EVI5: variants seen among roughly 807,000 people sequenced by gnomAD.
EVI5 encodes ecotropic viral integration site 5 protein homolog.
EVI5 carries 73 observed loss-of-function variants against 112.0 expected under a neutral mutation model. The observed-to-expected ratio is 0.65, with a 90% CI of 0.54 to 0.79. The LOEUF (loss-of-function observed/expected upper bound fraction) is 0.79. Among genes scored for constraint, EVI5 ranks in the 30% least tolerant of loss-of-function variants. The pLI, the probability that EVI5 is intolerant of heterozygous loss-of-function variation, is 0.00. For missense variants in EVI5, 900 were observed against 968.8 expected, an observed-to-expected ratio of 0.93 and a Z score of 0.94; for synonymous variants, 305 against 319.9, an observed-to-expected ratio of 0.95 and a Z score of 0.50.
chr1:92,579,186 G>T (rs1671556800), intron 18 of EVI5, among the ~76,000 whole-genome samples: 1 of 152,178 alleles, frequency 6.6e-6, no homozygotes, highest in South Asian at 2.1e-4. Flanking sequence ...AGTTTCTCGT[G>T]TATCTTCTGT....
chr1:92,545,886 C>T (rs959242190), intron 19 of EVI5, among the ~76,000 whole-genome samples: 28 of 151,840 alleles, frequency 1.8e-4, no homozygotes, highest in African/African-American at 5.8e-4. Context: ...TCTGCATATA[C>T]GCCTCTCTGC....
At chr1:92,651,794 T>C (rs1330393246) in intron 13 of EVI5, among the ~76,000 whole-genome samples, 54 of 134,328 alleles carry the variant, frequency 4.0e-4, no homozygotes, top group East Asian at 8.3e-4. Context: ...GAGCTTGCAG[T>C]GAGCCGAGAT....
chr1:92,540,554 T>A (rs959872413), intron 19 of EVI5, among the ~76,000 whole-genome samples: 16 of 152,166 alleles, frequency 1.1e-4, no homozygotes, highest in Non-Finnish European at 2.9e-5. Flanking sequence ...ATTGTAAGAG[T>A]TCTTTATATA....
rs545529073 is a variant in EVI5 at position 92,770,799 on chromosome 1, A to C, written c.-82+14037T>G. ...AGCGGGACTCCATCTCAAAAAAAAG[A>C]AAAAGAAACCTCCAAAAGTCTGGGT... is the stretch of plus-strand genomic sequence containing the variant. On this transcript the variant is annotated intron_variant, in intron 1 of 19. Transcript: ENST00000684568. Among the ~76,000 whole-genome samples, 4 of 151,990 alleles carry C rather than the reference A, an allele frequency of 2.6e-5. No homozygotes were observed. The South Asian group carries it at 8.3e-4, about 32-fold the overall frequency.
chr1:92,748,397 G>C (rs1363918804), intron 1 of EVI5, among the ~76,000 whole-genome samples: 1 of 152,176 alleles, frequency 6.6e-6, no homozygotes, highest in Non-Finnish European at 1.5e-5. Context: ...GTCAGCCCCA[G>C]ACTCTAAGTC....
intron 13 of EVI5, among the ~76,000 whole-genome samples, chr1:92,642,131 A>C (rs10782939): frequency 0.91 from 136,925 of 150,202 alleles, 62,412 homozygotes; most frequent in East Asian, 0.97. Context: ...ACTCCATCCC[A>C]AAAAAAAAAA....
intron 14 of EVI5, 35 bp downstream of exon 14, chr1:92,636,167 A>T: frequency 6.4e-7 from 1 of 1,574,084 alleles, no homozygotes; most frequent in Non-Finnish European, 8.7e-7. Context: ...ATCCCCTCTA[A>T]TTTGGGAATG....
chr1:92,778,030 T>A (rs1054775465), intron 1 of EVI5, among the ~76,000 whole-genome samples: 10 of 151,682 alleles, frequency 6.6e-5, no homozygotes, highest in African/African-American at 2.4e-4. Context: ...TGCCTCAGCC[T>A]CCTGAGTAGC....
chr1:92,633,776 C>T (rs11956588), intron 14 of EVI5, among the ~76,000 whole-genome samples: 3 of 152,282 alleles, frequency 2.0e-5, no homozygotes, highest in East Asian at 1.9e-4. Context: ...TTCCTAGCCT[C>T]TATGGTCTTT....
Position 92,727,811 on chromosome 1 carries a change from T to C in EVI5, c.149+8587A>G, listed in dbSNP as rs183039388. Among the ~76,000 whole-genome samples the C allele has an allele frequency of 5.3e-5, 8 of 150,606 alleles. No homozygotes were observed. The East Asian group carries it at 1.6e-3, about 29-fold the overall frequency. ...TGAGAGGATTGCTTGAATCCGGGAG[T>C]TCAAGAACAGCCTGGGCAACATAGT... On this transcript the variant is annotated intron_variant, in intron 2 of 19. Transcript: ENST00000684568.
intron 13 of EVI5, among the ~76,000 whole-genome samples, chr1:92,661,631 C>T (rs1156952978): frequency 1.3e-5 from 2 of 151,332 alleles, no homozygotes; most frequent in East Asian, 3.9e-4. Context: ...AATATGAGTT[C>T]CCTTCTTTTT....
chr1:92,768,024 G>A (rs1040627995), intron 1 of EVI5, among the ~76,000 whole-genome samples: 1 of 150,244 alleles, frequency 6.7e-6, no homozygotes, highest in Admixed American at 6.7e-5. Flanking sequence ...AGGTTGCAGT[G>A]AGCCAAGATC....
intron 18 of EVI5, among the ~76,000 whole-genome samples, chr1:92,566,323 A>G (rs141253828): frequency 4.0e-4 from 61 of 152,304 alleles, no homozygotes; most frequent in African/African-American, 1.4e-3. Flanking sequence ...GTTTTGGTCA[A>G]TGACGGAATG....
chr1:92,650,877 G>C (rs370788936), intron 13 of EVI5, among the ~76,000 whole-genome samples: 5 of 152,080 alleles, frequency 3.3e-5, no homozygotes, highest in African/African-American at 1.2e-4. Context: ...TCTACTAAGT[G>C]TATGCTCTAT....
chr1:92,514,124 TTA>T (rs34299992), intron 19 of EVI5, among the ~76,000 whole-genome samples, 154 bp from the exon 20 acceptor site: 129,573 of 152,012 alleles, frequency 0.85, 55,608 homozygotes, highest in East Asian at 0.97. Context: ...CTTCTATGTG[TTA>T]TATATAATGG....
At position 92,565,948 on chromosome 1, in the gene EVI5, C is replaced by CAAAAAAAAAAAA. The variant is rs71586755; in HGVS notation, c.2071-2223_2071-2212dup. On this transcript the variant is annotated intron_variant, in intron 18 of 19. Transcript: ENST00000684568. Reference sequence around the variant, plus strand: ...TTGCGCCACTGCATTCCAGCCCGAGCAAAAAAAAAAAAAAAAAAAAGAAAT... The same window carrying CAAAAAAAAAAAA: ...TTGCGCCACTGCATTCCAGCCCGAGCAAAAAAAAAAAAAAAAAAAAAAAAAAAAAAAAGAAAT... Among the ~76,000 whole-genome samples the CAAAAAAAAAAAA allele has an allele frequency of 5.7e-3, 298 of 51,850 alleles. 77 individuals are homozygous for CAAAAAAAAAAAA. Among genetic ancestry groups the CAAAAAAAAAAAA allele is most frequent in the Middle Eastern group, 0.022 (1 of 46 alleles). 34.0% of individuals were successfully genotyped at this position (51,850 alleles called of 152,430 possible). A position where few individuals can be genotyped will look rare whatever the true frequency, so the allele number is the denominator to read the frequency against.
chr1:92,547,079 A>T (rs1422447977), intron 19 of EVI5, among the ~76,000 whole-genome samples: 2 of 152,220 alleles, frequency 1.3e-5, no homozygotes, highest in African/African-American at 4.8e-5. Flanking sequence ...TTATTCCAAA[A>T]TTGACCACAT....
intron 14 of EVI5, among the ~76,000 whole-genome samples, chr1:92,627,431 T>G (rs1655929766): frequency 1.3e-5 from 2 of 152,226 alleles, no homozygotes; most frequent in Admixed American, 1.3e-4. Flanking sequence ...TGATGGGCAT[T>G]TGAGTTGGTT....
chr1:92,598,350 T>G (rs948194207), intron 18 of EVI5, among the ~76,000 whole-genome samples: 2 of 152,044 alleles, frequency 1.3e-5, no homozygotes, highest in Non-Finnish European at 2.9e-5. Flanking sequence ...CCCCATGACA[T>G]GTGTTTATCT....
Sources: gnomAD v4.1 joint callset for allele counts (sites outside exome capture counted in the v4.1 genomes callset) on GRCh38, gnomAD v4.1.1 for gene constraint, MANE v1.5 for transcripts, NCBI Gene and HGNC (gene_info 2026-07-23, HGNC 2026-07-21) for gene names.